The following NCAM2 variants were observed in gnomAD, a reference collection of about 807,000 sequenced individuals.
NCAM2 encodes neural cell adhesion molecule 2, also known as N-CAM-2.
Under a neutral mutation model 98.1 loss-of-function variants are expected in NCAM2, and 30 were observed. That is an observed-to-expected ratio of 0.31 (90% CI 0.23 to 0.41). NCAM2 has a LOEUF of 0.41. NCAM2 is among the 10% of genes least tolerant of loss of function. The probability of loss-of-function intolerance (pLI) is 1.00; values close to 1 mark genes in which losing one functional copy is unlikely to be tolerated. For synonymous variants in NCAM2, 368 were observed against 342.4 expected, an observed-to-expected ratio of 1.07 and a Z score of -0.83; for missense variants, 867 against 1,005.8, an observed-to-expected ratio of 0.86 and a Z score of 1.87.
chr21:21,239,756 G>T (rs1271085031), intron 1 of NCAM2, among the ~76,000 whole-genome samples: 1 of 151,958 alleles, frequency 6.6e-6, no homozygotes, highest in African/African-American at 2.4e-5. Flanking sequence ...CTGGAGGACA[G>T]GTAGACTTAA....
At chr21:21,312,037 G>C (rs1411440935) in intron 5 of NCAM2, among the ~76,000 whole-genome samples, 1 of 152,082 alleles carries the variant, frequency 6.6e-6, no homozygotes, top group Admixed American at 6.6e-5. Flanking sequence ...TTCAGCATGA[G>C]GTTTAATAGG....
At chr21:21,012,410 TATC>T (rs1299549748) in intron 1 of NCAM2, among the ~76,000 whole-genome samples, 1 of 152,182 alleles carries the variant, frequency 6.6e-6, no homozygotes. Flanking sequence ...TACTGAATAT[TATC>T]ATAGTGAAAT....
chr21:21,036,350 T>C, intron 1 of NCAM2, among the ~76,000 whole-genome samples: 1 of 152,162 alleles, frequency 6.6e-6, no homozygotes, highest in African/African-American at 2.4e-5. Context: ...CTGATTCTCT[T>C]TCTCTCCCAT....
intron 1 of NCAM2, among the ~76,000 whole-genome samples, chr21:21,217,172 A>G (rs376919948): frequency 4.2e-4 from 64 of 152,324 alleles, no homozygotes; most frequent in African/African-American, 1.5e-3. Flanking sequence ...AGAAGTAAAC[A>G]GTATATCTGA....
rs574922080 is a variant in NCAM2 at position 21,136,687 on chromosome 21, C to A, written c.55+138069C>A. On this transcript the variant is annotated intron_variant, in intron 1 of 17. Transcript: ENST00000400546. ...TTCACCGTTCTGCCCAGGCTGGTCT[C>A]GAACTCCTGAGCTCAGACAGTCTGC... Among the ~76,000 whole-genome samples, 47 of 124,754 alleles carry A rather than the reference C, an allele frequency of 3.8e-4. 2 individuals carry two copies. In the South Asian group the frequency reaches 6.8e-3, roughly 18 times the overall value. 81.8% of individuals were successfully genotyped at this position (124,754 alleles called of 152,430 possible). A position where few individuals can be genotyped will look rare whatever the true frequency, so the allele number is the denominator to read the frequency against.
intron 1 of NCAM2, among the ~76,000 whole-genome samples, chr21:21,209,737 A>C (rs554995717): frequency 3.1e-4 from 47 of 152,210 alleles, no homozygotes; most frequent in Non-Finnish European, 6.8e-4. Flanking sequence ...CGTGTGTTCT[A>C]CACATAAGAT....
chr21:21,121,669 A>G (rs1486060681), intron 1 of NCAM2, among the ~76,000 whole-genome samples: 1 of 152,232 alleles, frequency 6.6e-6, no homozygotes, highest in Non-Finnish European at 1.5e-5. Flanking sequence ...CACTCTAGCC[A>G]GTTGAAGCAA....
intron 1 of NCAM2, among the ~76,000 whole-genome samples, chr21:21,013,313 T>C (rs1219467121): frequency 6.6e-6 from 1 of 152,184 alleles, no homozygotes; most frequent in Non-Finnish European, 1.5e-5. Flanking sequence ...TTATTGCTTA[T>C]ATGGAGAAAG....
At chr21:21,338,317 C>T in intron 7 of NCAM2, 72 bp from the exon 8 acceptor site, 4 of 1,372,756 alleles carry the variant, frequency 2.9e-6, no homozygotes, top group Non-Finnish European at 4.1e-6. Context: ...ACTTAAACAC[C>T]CATCATGACT....
At chr21:21,283,423 T>C (rs2072995205) in intron 2 of NCAM2, among the ~76,000 whole-genome samples, 2 of 151,904 alleles carry the variant, frequency 1.3e-5, no homozygotes, top group African/African-American at 2.4e-5. Flanking sequence ...TCTTCAGCTT[T>C]AATGAAAGGA....
chr21:21,473,612 G>A (rs917289998), intron 14 of NCAM2, among the ~76,000 whole-genome samples: 3 of 151,448 alleles, frequency 2.0e-5, no homozygotes, highest in Non-Finnish European at 2.9e-5. Context: ...TTGCTTATAT[G>A]AGCTCACCTT....
intron 14 of NCAM2, among the ~76,000 whole-genome samples, chr21:21,469,939 G>C (rs1423865764): frequency 6.6e-6 from 1 of 151,988 alleles, no homozygotes; most frequent in Non-Finnish European, 1.5e-5. Flanking sequence ...GGCTTGGCCA[G>C]AATTCATGAA....
intron 1 of NCAM2, among the ~76,000 whole-genome samples, chr21:21,061,472 T>C (rs1048470486): frequency 1.3e-5 from 2 of 152,166 alleles, no homozygotes; most frequent in African/African-American, 4.8e-5. Context: ...ACCTTTCTTA[T>C]CTAGGTTTAA....
chr21:21,162,786 C>T (rs1345027900), intron 1 of NCAM2, among the ~76,000 whole-genome samples: 1 of 152,060 alleles, frequency 6.6e-6, no homozygotes, highest in African/African-American at 2.4e-5. Context: ...TACCCAAAAC[C>T]TTAGGAAACA....
At chr21:21,100,725 A>G (rs2066224615) in intron 1 of NCAM2, among the ~76,000 whole-genome samples, 1 of 151,752 alleles carries the variant, frequency 6.6e-6, no homozygotes, top group Non-Finnish European at 1.5e-5. Flanking sequence ...CTGCCCTTTA[A>G]CCCCCTTTCT....
At chr21:21,460,758 C>G (rs1444994989) in intron 12 of NCAM2, among the ~76,000 whole-genome samples, 1 of 151,786 alleles carries the variant, frequency 6.6e-6, no homozygotes, top group African/African-American at 2.4e-5. Flanking sequence ...TAAAAAGATT[C>G]TCACAGTATA....
At position 21,375,640 on chromosome 21, in the gene NCAM2, TAC is replaced by T. The variant is rs1286085880; in HGVS notation, c.1195+1630_1195+1631del. ...CATCATTAGCAAATTATAAATACTT[TAC>T]ACTTTTACAGTACATTTGTTATATT... On this transcript the variant is annotated intron_variant, in intron 9 of 17. Transcript: ENST00000400546. Among the ~76,000 whole-genome samples, 5 of 151,820 alleles carry T rather than the reference TAC, an allele frequency of 3.3e-5. No homozygotes were observed. In the Admixed American group the frequency reaches 3.3e-4, roughly 10 times the overall value.
chr21:21,469,272 C>G (rs1385169078), intron 14 of NCAM2, among the ~76,000 whole-genome samples: 1 of 151,984 alleles, frequency 6.6e-6, no homozygotes, highest in Non-Finnish European at 1.5e-5. Flanking sequence ...TTAATTAGCA[C>G]TATCCAGTAA....
intron 1 of NCAM2, among the ~76,000 whole-genome samples, chr21:21,156,552 A>C (rs547948280): frequency 1.3e-5 from 2 of 151,438 alleles, no homozygotes; most frequent in Non-Finnish European, 3.0e-5. Context: ...AGTTTTTACT[A>C]TGGAAGTCAA....
Sources: gnomAD v4.1 joint callset for allele counts (sites outside exome capture counted in the v4.1 genomes callset) on GRCh38, gnomAD v4.1.1 for gene constraint, MANE v1.5 for transcripts, NCBI Gene and HGNC (gene_info 2026-07-23, HGNC 2026-07-21) for gene names.